The following SOX6 variants were observed in gnomAD, a reference collection of about 807,000 sequenced individuals.
The protein encoded by SOX6 is SRY-box transcription factor 6, also known as transcription factor SOX-6.
Under a neutral mutation model 97.8 loss-of-function variants are expected in SOX6, and 11 were observed. That is an observed-to-expected ratio of 0.11 (90% confidence interval 0.07 to 0.19). The LOEUF (loss-of-function observed/expected upper bound fraction) is 0.19. Among genes scored for constraint, SOX6 ranks in the 10% least tolerant of loss-of-function variants. The probability of loss-of-function intolerance (pLI) is 1.00; values close to 1 mark genes in which losing one functional copy is unlikely to be tolerated. For synonymous variants in SOX6, 360 were observed against 371.4 expected (o/e 0.97, Z 0.35); for missense variants, 810 against 1,039.5 (o/e 0.78, Z 3.04).
rs11023837 is a variant in SOX6 at position 16,054,481 on chromosome 11, G to A, written c.1251+1271C>T. 2.0e-4 allele frequency among the ~76,000 whole-genome samples: 30 copies of A among 152,218 alleles called. No individual in the cohort carries two copies. The East Asian group carries it at 5.0e-3, about 25-fold the overall frequency. Reference sequence around the variant, plus strand: ...TTTCTTTGGAGAATCTAAAAGAATAGGTGGCATTAAATTAATTCCTTTGGC... The same window carrying A: ...TTTCTTTGGAGAATCTAAAAGAATAAGTGGCATTAAATTAATTCCTTTGGC... On this transcript the variant is annotated intron_variant, in intron 10 of 15. Coordinates refer to ENST00000683767, the MANE Select transcript of SOX6 (RefSeq NM_001367873.1).
chr11:16,426,622 G>A (rs919435865), intron 1 of SOX6, among the ~76,000 whole-genome samples: 3 of 151,994 alleles, frequency 2.0e-5, no homozygotes, highest in Non-Finnish European at 4.4e-5. Context: ...GATTAAAACT[G>A]GATCCCTTCT....
chr11:16,381,272 C>T (rs1472642493), intron 1 of SOX6, among the ~76,000 whole-genome samples: 3 of 152,116 alleles, frequency 2.0e-5, no homozygotes, highest in Admixed American at 6.6e-5. Context: ...AACTCAGTAG[C>T]TTTTTCTTAT....
At chr11:16,075,888 T>C (rs1339069212) in intron 9 of SOX6, among the ~76,000 whole-genome samples, 1 of 151,764 alleles carries the variant, frequency 6.6e-6, no homozygotes, top group Non-Finnish European at 1.5e-5. Flanking sequence ...TATAAAACCA[T>C]CAGATCTCAT....
chr11:16,449,449 T>C (rs7926068), intron 1 of SOX6, among the ~76,000 whole-genome samples: 25 of 151,798 alleles, frequency 1.6e-4, no homozygotes, highest in Non-Finnish European at 3.5e-4. Context: ...CCCGCTACCA[T>C]GCCCGGCTAA....
chr11:16,146,943 G>A (rs1473808236), intron 6 of SOX6, among the ~76,000 whole-genome samples: 11 of 152,170 alleles, frequency 7.2e-5, no homozygotes, highest in South Asian at 2.1e-4. Flanking sequence ...AAGACAGTGC[G>A]GCGATTCCTC....
chr11:16,091,935 A>G (rs929249424), intron 9 of SOX6, among the ~76,000 whole-genome samples: 5 of 152,082 alleles, frequency 3.3e-5, no homozygotes, highest in Admixed American at 6.6e-5. Flanking sequence ...GCTAGACAAA[A>G]ATCATTCTCT....
chr11:16,418,594 A>G (rs771001951), intron 1 of SOX6, among the ~76,000 whole-genome samples: 2 of 152,106 alleles, frequency 1.3e-5, no homozygotes, highest in Non-Finnish European at 2.9e-5. Context: ...AGTTCCCCAC[A>G]TATTCCTAAC....
At chr11:16,148,448 C>A (rs370607992) in intron 6 of SOX6, among the ~76,000 whole-genome samples, 1 of 152,054 alleles carries the variant, frequency 6.6e-6, no homozygotes, top group African/African-American at 2.4e-5. Context: ...CTTTAAAACA[C>A]GCTCAAATGT....
At chr11:16,418,704 G>C (rs1315193155) in intron 1 of SOX6, among the ~76,000 whole-genome samples, 1 of 152,060 alleles carries the variant, frequency 6.6e-6, no homozygotes, top group Non-Finnish European at 1.5e-5. Flanking sequence ...GAGTGGGAGG[G>C]GGGCCAGGGA....
At chr11:16,214,265 C>T (rs1852306057) in intron 4 of SOX6, among the ~76,000 whole-genome samples, 1 of 152,114 alleles carries the variant, frequency 6.6e-6, no homozygotes, top group African/African-American at 2.4e-5. Flanking sequence ...TAGTCTATAA[C>T]TATACTAAGC....
chr11:16,619,225 T>C (rs1166722123), intron 3 of SOX6, among the ~76,000 whole-genome samples: 1 of 151,172 alleles, frequency 6.6e-6, no homozygotes, highest in Non-Finnish European at 1.5e-5. Flanking sequence ...GTGATAATCA[T>C]GAGCCCGTAT....
chr11:16,734,388 T>C lies in SOX6; in HGVS notation n.353+1951A>G, dbSNP rs1848375566. On this transcript the variant is annotated intron_variant and non_coding_transcript_variant, in intron 2 of 5. Coordinates refer to the SOX6 transcript ENST00000524520. ...CTCATAGTCCACCACAGTGGAATAA[T>C]GCATTTTTCACATTTTTTCCCTTTG... is the stretch of plus-strand genomic sequence containing the variant. Among the ~76,000 whole-genome samples the C allele has an allele frequency of 2.0e-5, 3 of 152,240 alleles. No homozygotes were observed. In the South Asian group the frequency reaches 6.2e-4, roughly 31 times the overall value.
chr11:16,479,551 A>G (rs953823456), upstream of SOX6, among the ~76,000 whole-genome samples: 15 of 152,010 alleles, frequency 9.9e-5, no homozygotes, highest in East Asian at 2.9e-3. Flanking sequence ...AAAAAGAACA[A>G]GGGATACAAA....
At chr11:16,291,753 G>A (rs952994454) in intron 3 of SOX6, among the ~76,000 whole-genome samples, 1 of 152,052 alleles carries the variant, frequency 6.6e-6, no homozygotes, top group Non-Finnish European at 1.5e-5. Flanking sequence ...TATCAGCGAG[G>A]AGAATTATAA....
intron 10 of SOX6, among the ~76,000 whole-genome samples, chr11:16,050,894 G>T (rs976587190): frequency 6.6e-6 from 1 of 152,032 alleles, no homozygotes; most frequent in Non-Finnish European, 1.5e-5. Flanking sequence ...AAAATTGTCG[G>T]CAAATGTTAA....
chr11:16,483,939 C>A, intron 4 of SOX6: 1 of 863,316 alleles, frequency 1.2e-6, no homozygotes, highest in Non-Finnish European at 2.0e-6. Context: ...GGAGCCAGAT[C>A]AGGACCTGGG....
chr11:16,346,938 G>A (rs1856790756), intron 1 of SOX6, among the ~76,000 whole-genome samples: 1 of 152,030 alleles, frequency 6.6e-6, no homozygotes, highest in Non-Finnish European at 1.5e-5. Context: ...TACAAAACAA[G>A]AACTACCTGG....
intron 5 of SOX6, among the ~76,000 whole-genome samples, chr11:16,184,224 G>C (rs1033161424): frequency 6.6e-6 from 1 of 152,110 alleles, no homozygotes; most frequent in Non-Finnish European, 1.5e-5. Flanking sequence ...TGGAAATCAT[G>C]GGATTTTAGA....
chr11:16,487,811 C>T (rs922178762), intron 4 of SOX6, among the ~76,000 whole-genome samples: 1 of 152,112 alleles, frequency 6.6e-6, no homozygotes. Flanking sequence ...CAGTACCACG[C>T]CCTCTTAACC....
Sources: gnomAD v4.1 joint callset for allele counts (sites outside exome capture counted in the v4.1 genomes callset) on GRCh38, gnomAD v4.1.1 for gene constraint, MANE v1.5 for transcripts, NCBI Gene and HGNC (gene_info 2026-07-23, HGNC 2026-07-21) for gene names.